Variants in ZNF69 observed in about 807,000 individuals in gnomAD.
ZNF69 encodes ZNF3.
In ZNF69, 47 loss-of-function variants were observed where a neutral mutation model predicts 50.9. That is an observed-to-expected ratio of 0.92 (90% CI 0.73 to 1.18). ZNF69 has a LOEUF of 1.18. ZNF69 is among the 50% of genes most tolerant of loss of function. ZNF69 has a pLI of 0.00. For synonymous variants in ZNF69, 216 were observed against 223.1 expected, an observed-to-expected ratio of 0.97 and a Z score of 0.29; for missense variants, 717 against 675.1, an observed-to-expected ratio of 1.06 and a Z score of -0.69.
chr19:11,969,131 G>T, the ZNF69 span, among the ~76,000 whole-genome samples: 1 of 152,146 alleles, frequency 6.6e-6, no homozygotes, highest in African/African-American at 2.4e-5. Flanking sequence ...TTGAGACAGG[G>T]TCTCACTCTG....
chr19:11,978,370 C>A, the ZNF69 span: 2 of 1,614,142 alleles, frequency 1.2e-6, no homozygotes, highest in Non-Finnish European at 1.7e-6. Flanking sequence ...TGTCAACAAC[C>A]TAAGAAAGCC....
At chr19:11,915,401 G>A (rs531722353), downstream of ZNF69, among the ~76,000 whole-genome samples, 22 of 152,346 alleles carry the variant, frequency 1.4e-4, no homozygotes, top group South Asian at 3.9e-3. Context: ...GAAAGTGCAG[G>A]CTGAGGGTGA....
the ZNF69 span, chr19:11,949,530 C>T: frequency 1.2e-6 from 2 of 1,611,158 alleles, no homozygotes; most frequent in Non-Finnish European, 1.7e-6. Flanking sequence ...TAAGAATGCC[C>T]TCTGGAGAAA....
the ZNF69 span, chr19:11,940,123 G>A: frequency 6.6e-6 from 1 of 152,104 alleles, no homozygotes; most frequent in African/African-American, 2.4e-5. Context: ...TAGAGACAAG[G>A]TTTCTCCATG....
chr19:11,968,315 G>A, the ZNF69 span, among the ~76,000 whole-genome samples: 4 of 152,070 alleles, frequency 2.6e-5, no homozygotes, highest in South Asian at 4.2e-4. Flanking sequence ...GCAGTGGTGC[G>A]ATCATGGCTT....
chr19:11,921,773 G>A, the ZNF69 span, among the ~76,000 whole-genome samples: 2 of 152,150 alleles, frequency 1.3e-5, no homozygotes, highest in African/African-American at 4.8e-5. Context: ...AAAGTGCTGG[G>A]ATTACAGGCA....
chr19:11,924,977 T>TG, the ZNF69 span: 33 of 464,338 alleles, frequency 7.1e-5, no homozygotes, highest in Non-Finnish European at 3.9e-6. Flanking sequence ...AGTCTGGCTC[T>TG]GCGGGGCCTG....
the ZNF69 span, among the ~76,000 whole-genome samples, chr19:11,962,609 C>A: frequency 1.1e-4 from 16 of 151,858 alleles, no homozygotes; most frequent in East Asian, 1.7e-3. Flanking sequence ...GACCCCCCCC[C>A]ACCTCAGCCT....
the ZNF69 span, among the ~76,000 whole-genome samples, chr19:11,951,150 C>CAAA: frequency 4.9e-4 from 32 of 65,072 alleles, no homozygotes; most frequent in African/African-American, 1.1e-3. Context: ...ACTCCATCTC[C>CAAA]AAAAAAAAAA....
rs748584033 is a variant in ZNF69, at chr19:11,904,955, C to G, written c.558C>G (p.His186Gln). The G allele has an allele frequency of 6.2e-7, 1 of 1,614,212 alleles. No homozygotes were observed. The highest frequency in any genetic ancestry group is 1.1e-5 in the South Asian group (1 of 91,092). Residue 186 changes from histidine to glutamine, a missense_variant, in exon 4 of 4, where the codon CAC becomes CAG. By Grantham distance (24) the His-to-Gln change is conservative. Transcript: ENST00000429654. ...HPSFRTPQRD[H>Q]TGEKPYACKE... ...CCTTTAGAACACCACAAAGGGATCA[C>G]ACTGGAGAGAAACCCTATGCTTGTA...
the ZNF69 span, chr19:11,949,031 G>A: frequency 8.7e-6 from 14 of 1,607,764 alleles, no homozygotes; most frequent in Middle Eastern, 3.3e-4. Context: ...CCGTATGAAT[G>A]TAAGCAATAT....
At chr19:11,912,402 A>T (rs559529290) in intron 4 of ZNF69, among the ~76,000 whole-genome samples, 1 of 152,230 alleles carries the variant, frequency 6.6e-6, no homozygotes, top group African/African-American at 2.4e-5. Flanking sequence ...CAGCTTGCCT[A>T]CTTCCTTTCA....
the ZNF69 span, among the ~76,000 whole-genome samples, chr19:11,960,601 GTTTT>G: frequency 0.024 from 3,491 of 143,506 alleles, 122 homozygotes; most frequent in African/African-American, 0.079. Flanking sequence ...GCAATGAGCG[GTTTT>G]TTTTTTTTTT....
the ZNF69 span, among the ~76,000 whole-genome samples, chr19:11,971,673 G>A: frequency 1.3e-5 from 2 of 152,084 alleles, no homozygotes; most frequent in African/African-American, 2.4e-5. Flanking sequence ...TCCATTTATT[G>A]CATTTTATAT....
At chr19:11,923,475 C>T in the ZNF69 span, among the ~76,000 whole-genome samples, 4 of 152,210 alleles carry the variant, frequency 2.6e-5, no homozygotes, top group South Asian at 4.1e-4. Context: ...TCTCTGCTCT[C>T]CCGGGCTCCG....
chr19:11,925,105 T>G, the ZNF69 span: 1 of 1,374,340 alleles, frequency 7.3e-7, no homozygotes, highest in Non-Finnish European at 1.0e-6. Flanking sequence ...GGGGGTCGCT[T>G]TCCTCACCTT....
the ZNF69 span, among the ~76,000 whole-genome samples, chr19:11,947,787 C>T: frequency 6.6e-6 from 1 of 152,202 alleles, no homozygotes; most frequent in Admixed American, 6.5e-5. Context: ...AGGAGGATAG[C>T]TTGAGGCCAT....
chr19:11,924,975 T>C, the ZNF69 span: 2 of 461,064 alleles, frequency 4.3e-6, no homozygotes, highest in Non-Finnish European at 7.9e-6. Context: ...TCAGTCTGGC[T>C]CTGCGGGGCC....
chr19:11,978,081 T>C, the ZNF69 span: 4 of 1,596,988 alleles, frequency 2.5e-6, no homozygotes, highest in Non-Finnish European at 3.4e-6. Flanking sequence ...AAATTACTCA[T>C]AAACCCTTCA....
Sources: gnomAD v4.1 joint callset for allele counts (sites outside exome capture counted in the v4.1 genomes callset) on GRCh38, gnomAD v4.1.1 for gene constraint, MANE v1.5 for transcripts, NCBI Gene and HGNC (gene_info 2026-07-23, HGNC 2026-07-21) for gene names.